The following CEACAM8 variants were observed in gnomAD, a reference collection of about 807,000 sequenced individuals.
CEACAM8 encodes CEA cell adhesion molecule 8, also known as cell adhesion molecule CEACAM8.
Under a neutral mutation model 33.4 loss-of-function variants are expected in CEACAM8, and 31 were observed. That is an observed-to-expected ratio of 0.93 (90% CI 0.70 to 1.25). CEACAM8 has a LOEUF of 1.25. CEACAM8 is among the 50% of genes most tolerant of loss of function. The pLI, the probability that CEACAM8 is intolerant of heterozygous loss-of-function variation, is 0.00. For missense variants in CEACAM8, 388 were observed against 434.6 expected (o/e 0.89, Z 0.95); for synonymous variants, 138 against 164.5 (o/e 0.84, Z 1.23).
Position 42,593,750 on chromosome 19 carries a change from G to C in CEACAM8, c.215C>G (p.Thr72Arg), listed in dbSNP as rs764550281. The C allele has an allele frequency of 8.6e-5, 138 of 1,613,980 alleles. No individual in the cohort carries two copies. Among genetic ancestry groups the C allele is most frequent in the Non-Finnish European group, 1.1e-4 (126 of 1,180,032 alleles). The change falls in exon 2 of 6, where the codon ACA becomes AGA. Residue 72 changes from threonine to arginine, a missense_variant. Thr to Arg is a moderately conservative substitution (Grantham distance 71). Coordinates refer to ENST00000244336, the MANE Select transcript of CEACAM8 (RefSeq NM_001816.4). ...TATAATTCGACGGTTGGCATCCACT[G>C]TTTCCCCTTTGTACCAGTTGTAGCC... ...PRGYNWYKGETVDANRRIIGY... is the reference protein window; with the variant it reads ...PRGYNWYKGERVDANRRIIGY...
Position 42,580,256 on chromosome 19 carries a change from G to A in CEACAM8, c.*1138C>T, listed in dbSNP as rs564680114. On this transcript the variant is annotated 3_prime_UTR_variant, in exon 6 of 6. Coordinates refer to ENST00000244336, the MANE Select transcript of CEACAM8 (RefSeq NM_001816.4). ...CAGACTCCTCTCTGATCAGCCAATA[G>A]GGAGCAATTTTATTATCTAGCATTG... 6 of 152,288 alleles carry A rather than the reference G, an allele frequency of 3.9e-5. No individual in the cohort carries two copies. Among genetic ancestry groups the A allele is most frequent in the African/African-American group, 1.4e-4 (6 of 41,556 alleles). 9.4% of individuals were successfully genotyped at this position (152,288 alleles called of 1,614,324 possible).
rs141305070 is a variant in CEACAM8 at position 42,589,524 on chromosome 19, G to A, written c.636C>T (p.Pro212=). The A allele has an allele frequency of 2.8e-5, 45 of 1,614,098 alleles. No individual in the cohort carries two copies. The African/African-American group carries it at 5.3e-4, about 19-fold the overall frequency. Residue 212 remains proline (P), a synonymous_variant, in exon 3 of 6, where the codon CCC becomes CCT. Coordinates refer to ENST00000244336, the MANE Select transcript of CEACAM8 (RefSeq NM_001816.4). ...LLSVTRNDVG[P]YECEIQNPAS... ...CTGGGTTCTGTATTTCACATTCATAGGGTCCTACGTCATTCCTTGTGACAC... is the reference window on the plus strand; with the variant it reads ...CTGGGTTCTGTATTTCACATTCATAAGGTCCTACGTCATTCCTTGTGACAC...
intron 4 of CEACAM8, 118 bp from the exon 5 acceptor site, chr19:42,583,455 A>AT: frequency 1.4e-6 from 1 of 694,976 alleles, no homozygotes; most frequent in South Asian, 1.7e-5. Flanking sequence ...GGAATACATT[A>AT]TTTTTGTGGG....
intron 5 of CEACAM8, 78 bp downstream of exon 5, chr19:42,583,128 T>A: frequency 1.4e-6 from 1 of 695,040 alleles, no homozygotes; most frequent in South Asian, 1.7e-5. Context: ...AGGAGATCCA[T>A]TCCCGGGATA....
Position 42,589,616 on chromosome 19 carries a change from CAT to C in CEACAM8, c.542_543del (p.Asn181ArgfsTer28). On this transcript the variant is annotated frameshift_variant, in exon 3 of 6. Transcript: ENST00000244336. LOFTEE classifies it high-confidence loss of function. ...CTGGGACTGACCGGGAGACTCTGAC[CAT>C]TTACCCACCACAGGTAGGTTGTGTT... ...TQNTTYLWWVNGQSLPVSPRL... is the reference protein window; with the variant it reads ...TQNTTYLWWVXGQSLPVSPRL... The C allele has an allele frequency of 6.2e-7, 1 of 1,614,212 alleles. No individual in the cohort carries two copies. The highest frequency in any genetic ancestry group is 2.2e-5 in the East Asian group (1 of 44,886).
chr19:42,585,204 G>A (rs2042314942), intron 4 of CEACAM8, among the ~76,000 whole-genome samples: 1 of 151,802 alleles, frequency 6.6e-6, no homozygotes, highest in Admixed American at 6.6e-5. Flanking sequence ...AAGCTGAGTT[G>A]GGAGGATTGC....
chr19:42,587,410 C>T (rs2042354361), intron 4 of CEACAM8, among the ~76,000 whole-genome samples: 1 of 152,176 alleles, frequency 6.6e-6, no homozygotes, highest in Non-Finnish European at 1.5e-5. Context: ...GTTCTTCAAT[C>T]TTAACAAGGA....
chr19:42,593,461 G>A (rs565376079), intron 2 of CEACAM8, 80 bp downstream of exon 2: 2 of 1,505,492 alleles, frequency 1.3e-6, no homozygotes, highest in African/African-American at 1.4e-5. Context: ...AGGGACATGG[G>A]CACAGCCCAG....
chr19:42,588,695 G>T (rs2147863896), intron 4 of CEACAM8, 89 bp downstream of exon 4: 17 of 1,449,698 alleles, frequency 1.2e-5, no homozygotes, highest in Middle Eastern at 1.8e-4. Context: ...GACACAGGCT[G>T]GGAATAAAAC....
At chr19:42,581,718 C>T (rs1454152580) in intron 5 of CEACAM8, among the ~76,000 whole-genome samples, 6 of 150,306 alleles carry the variant, frequency 4.0e-5, no homozygotes, top group Non-Finnish European at 5.9e-5. Context: ...GGTGAAACCC[C>T]GTCTCTACTA....
chr19:42,591,253 G>C lies in CEACAM8; in HGVS notation c.425-1518C>G, dbSNP rs556964803. Among the ~76,000 whole-genome samples the C allele has an allele frequency of 2.0e-5, 3 of 152,294 alleles. No homozygotes were observed. In the East Asian group the frequency reaches 5.8e-4, roughly 29 times the overall value. ...CAGATCTAAAATCAATTGGTGGAAG[G>C]AGTATTTCTCTTGATAACAAAATAA... On this transcript the variant is annotated intron_variant, in intron 2 of 5. Coordinates refer to ENST00000244336, the MANE Select transcript of CEACAM8 (RefSeq NM_001816.4).
chr19:42,585,313 C>CA (rs34190972), intron 4 of CEACAM8, among the ~76,000 whole-genome samples: 6,783 of 61,156 alleles, frequency 0.11, 601 homozygotes, highest in African/African-American at 0.23. Context: ...CTCTCTCTCT[C>CA]AAAAAAAAAA....
intron 2 of CEACAM8, among the ~76,000 whole-genome samples, chr19:42,590,695 A>G (rs1312086524): frequency 6.6e-6 from 1 of 152,226 alleles, no homozygotes; most frequent in African/African-American, 2.4e-5. Flanking sequence ...CAGATACTGT[A>G]GGATTCCACT....
chr19:42,585,313 C>CAA (rs34190972), intron 4 of CEACAM8, among the ~76,000 whole-genome samples: 6,091 of 60,586 alleles, frequency 0.1, 547 homozygotes, highest in African/African-American at 0.24. Context: ...CTCTCTCTCT[C>CAA]AAAAAAAAAA....
At chr19:42,585,738 C>G (rs778711560) in intron 4 of CEACAM8, among the ~76,000 whole-genome samples, 2 of 151,980 alleles carry the variant, frequency 1.3e-5, no homozygotes, top group Non-Finnish European at 2.9e-5. Context: ...ATTACAAGTC[C>G]TAGCCAGAGA....
Position 42,593,738 on chromosome 19 carries a change from T to C in CEACAM8, c.227A>G (p.Asn76Ser). 2 of 1,614,070 alleles carry C rather than the reference T, an allele frequency of 1.2e-6. No individual in the cohort carries two copies. The highest frequency in any genetic ancestry group is 1.7e-6 in the Non-Finnish European group (2 of 1,180,000). The change falls in exon 2 of 6, where the codon AAC becomes AGC. Residue 76 changes from asparagine to serine, a missense_variant. Asn to Ser is a conservative substitution (Grantham distance 46). Coordinates refer to ENST00000244336, the MANE Select transcript of CEACAM8 (RefSeq NM_001816.4). ...NWYKGETVDA[N>S]RRIIGYVISN... is the part of the protein sequence containing the mutation. ...TATTACATATCCTATAATTCGACGG[T>C]TGGCATCCACTGTTTCCCCTTTGTA...
At chr19:42,591,868 C>G (rs1301783641) in intron 2 of CEACAM8, among the ~76,000 whole-genome samples, 1 of 152,134 alleles carries the variant, frequency 6.6e-6, no homozygotes, top group Non-Finnish European at 1.5e-5. Flanking sequence ...ACATGTTGGG[C>G]CTGTCCTGGT....
In CEACAM8 at chr19:42,584,953, AGACT is replaced by A. The variant is rs1225273411; in HGVS notation, c.959-1620_959-1617del. Among the ~76,000 whole-genome samples, 8 of 152,348 alleles carry A rather than the reference AGACT, an allele frequency of 5.3e-5. No homozygotes were observed. In the East Asian group the frequency reaches 1.5e-3, roughly 29 times the overall value. ...TCAACAAAATTGCCAACCATTAACT[AGACT>A]GACTAAGAAAAAAAGAGACAAGATG... On this transcript the variant is annotated intron_variant, in intron 4 of 5. Transcript: ENST00000244336.
intron 2 of CEACAM8, among the ~76,000 whole-genome samples, chr19:42,593,218 C>T (rs568924192): frequency 1.9e-4 from 29 of 152,338 alleles, no homozygotes; most frequent in African/African-American, 7.0e-4. Flanking sequence ...CAGGTCAGGC[C>T]CTGACCCAGT....
Sources: allele counts gnomAD v4.1 joint callset (sites outside exome capture counted in the v4.1 genomes callset), GRCh38; gene constraint gnomAD v4.1.1; transcripts MANE v1.5; gene names NCBI Gene and HGNC (gene_info 2026-07-23, HGNC 2026-07-21).